Variants in PCDH15 observed in about 807,000 individuals in gnomAD.
The protein encoded by PCDH15 is protocadherin-15.
In PCDH15, 129 loss-of-function variants were observed where a neutral mutation model predicts 178.5. The observed-to-expected ratio is 0.72, with a 90% CI of 0.63 to 0.84. The LOEUF (loss-of-function observed/expected upper bound fraction) is 0.84. PCDH15 is among the 40% of genes least tolerant of loss of function. The probability of loss-of-function intolerance (pLI) is 0.00; values close to 1 mark genes in which losing one functional copy is unlikely to be tolerated. For synonymous variants in PCDH15, 800 were observed against 732.0 expected, an observed-to-expected ratio of 1.09 and a Z score of -1.50; for missense variants, 2,230 against 2,099.9, an observed-to-expected ratio of 1.06 and a Z score of -1.21.
intron 26 of PCDH15, among the ~76,000 whole-genome samples, chr10:53,893,201 T>G (rs1358094969): frequency 6.6e-6 from 1 of 152,116 alleles, no homozygotes; most frequent in African/African-American, 2.4e-5. Context: ...ATCTTCACAT[T>G]TGATGTCACC....
intron 1 of PCDH15, among the ~76,000 whole-genome samples, chr10:54,762,234 G>A (rs1947970355): frequency 6.6e-6 from 1 of 152,062 alleles, no homozygotes; most frequent in Non-Finnish European, 1.5e-5. Context: ...TAATTAGGGT[G>A]AAATTCATGT....
rs775306686 is a variant in PCDH15 at position 53,959,812 on chromosome 10, A to G, written c.3042T>C (p.Pro1014=). 3.7e-6 allele frequency: 6 copies of G among 1,614,038 alleles called. No individual in the cohort carries two copies. In the East Asian group the frequency reaches 1.1e-4, roughly 30 times the overall value. Residue 1014 remains proline (P), a synonymous_variant, in exon 23 of 38, where the codon CCT becomes CCC. Coordinates refer to ENST00000644397, the MANE Select transcript of PCDH15 (RefSeq NM_001384140.1). ...LVVVAFDDGE[P]VMSSSATVKI... ...TCACTGTGGCACTGCTGGACATCACAGGCTCCCCATCATCAAAAGCAACCA... is the reference window on the plus strand; with the variant it reads ...TCACTGTGGCACTGCTGGACATCACGGGCTCCCCATCATCAAAAGCAACCA...
chr10:54,474,413 A>G (rs1430760269), intron 3 of PCDH15, among the ~76,000 whole-genome samples: 3 of 151,972 alleles, frequency 2.0e-5, no homozygotes, highest in Non-Finnish European at 2.9e-5. Context: ...GTCAAATCCT[A>G]TGCTAAAGCC....
At chr10:55,356,486 G>GT (rs930889590) in intron 2 of PCDH15, among the ~76,000 whole-genome samples, 5 of 151,558 alleles carry the variant, frequency 3.3e-5, no homozygotes, top group African/African-American at 1.2e-4. Context: ...TTTTGTTTTT[G>GT]TTTTTTCTGA....
At chr10:55,549,646 C>T (rs1032514748) in intron 2 of PCDH15, among the ~76,000 whole-genome samples, 6 of 152,104 alleles carry the variant, frequency 3.9e-5, no homozygotes, top group Non-Finnish European at 7.3e-5. Flanking sequence ...TTAGGTTATT[C>T]GGTTGTCTTT....
intron 2 of PCDH15, among the ~76,000 whole-genome samples, chr10:54,529,559 T>G (rs2083701897): frequency 6.6e-6 from 1 of 152,092 alleles, no homozygotes; most frequent in African/African-American, 2.4e-5. Context: ...CATCCTTTAT[T>G]GAGAATTAAG....
At chr10:55,614,714 T>G (rs1843439998) in intron 2 of PCDH15, among the ~76,000 whole-genome samples, 1 of 152,158 alleles carries the variant, frequency 6.6e-6, no homozygotes, top group Admixed American at 6.5e-5. Flanking sequence ...ACTATTTGGG[T>G]ATGATCAACT....
intron 1 of PCDH15, among the ~76,000 whole-genome samples, chr10:55,217,505 G>A (rs12219365): frequency 0.26 from 39,394 of 151,462 alleles, 5,394 homozygotes; most frequent in Middle Eastern, 0.34. Context: ...TTATTCTTTC[G>A]CAAATGATAC....
At position 55,300,854 on chromosome 10, in the gene PCDH15, T is replaced by C. The variant is rs1843258075; in HGVS notation, c.-156+18745A>G. Among the ~76,000 whole-genome samples the C allele has an allele frequency of 2.0e-5, 3 of 152,180 alleles. No individual in the cohort carries two copies. The South Asian group carries it at 6.2e-4, about 31-fold the overall frequency. ...TACCCAGTTTGGACCGAAGACAACA[T>C]ATTGCACAATTTTAGAACAATATTA... On this transcript the variant is annotated intron_variant, in intron 1 of 5. Transcript: ENST00000458638.
intron 2 of PCDH15, among the ~76,000 whole-genome samples, chr10:55,385,048 T>C (rs1837618882): frequency 6.6e-6 from 1 of 152,198 alleles, no homozygotes; most frequent in South Asian, 2.1e-4. Flanking sequence ...AAATCTTGAG[T>C]AAATATTGCC....
At chr10:54,741,612 A>G (rs1419514566) in intron 1 of PCDH15, among the ~76,000 whole-genome samples, 1 of 152,062 alleles carries the variant, frequency 6.6e-6, no homozygotes, top group Admixed American at 6.6e-5. Flanking sequence ...CTGGACTAAA[A>G]TCAAGGTATT....
chr10:55,353,175 GA>G (rs1844986616), intron 2 of PCDH15, among the ~76,000 whole-genome samples: 1 of 152,122 alleles, frequency 6.6e-6, no homozygotes. Context: ...ACAACCAGGA[GA>G]ATGCAGAAAA....
chr10:54,417,964 T>G (rs1647710485), intron 3 of PCDH15, among the ~76,000 whole-genome samples: 2 of 152,160 alleles, frequency 1.3e-5, no homozygotes, highest in Non-Finnish European at 2.9e-5. Context: ...ATGCAGTAGC[T>G]ATTCAAAGGT....
intron 25 of PCDH15, among the ~76,000 whole-genome samples, chr10:53,913,018 A>G (rs889994431): frequency 4.6e-5 from 7 of 152,220 alleles, no homozygotes; most frequent in African/African-American, 1.7e-4. Flanking sequence ...AGCTGGAGGC[A>G]TCATGCTACC....
chr10:55,525,660 T>C (rs1394323961), intron 2 of PCDH15, among the ~76,000 whole-genome samples: 1 of 151,886 alleles, frequency 6.6e-6, no homozygotes, highest in African/African-American at 2.4e-5. Flanking sequence ...TATCTAAACT[T>C]CCAAAACCCA....
At chr10:54,804,927 T>TTATATATATATATATATATA (rs71014419), upstream of PCDH15, among the ~76,000 whole-genome samples, 773 of 50,708 alleles carry the variant, frequency 0.015, 122 homozygotes, top group African/African-American at 0.029. Context: ...TCATAGTAGA[T>TTATATATATATATATATATA]TATATATATA....
At chr10:55,215,240 T>C (rs1337510656) in intron 1 of PCDH15, among the ~76,000 whole-genome samples, 1 of 152,132 alleles carries the variant, frequency 6.6e-6, no homozygotes, top group Non-Finnish European at 1.5e-5. Flanking sequence ...TTGTTGACTT[T>C]GAAAATTGAA....
At chr10:54,971,929 C>T (rs1462334871) in intron 2 of PCDH15, among the ~76,000 whole-genome samples, 1 of 152,036 alleles carries the variant, frequency 6.6e-6, no homozygotes. Context: ...ATTTGGTATA[C>T]CTGTAGAGTT....
At chr10:55,070,372 G>A (rs1219653308) in intron 2 of PCDH15, among the ~76,000 whole-genome samples, 1 of 151,392 alleles carries the variant, frequency 6.6e-6, no homozygotes, top group East Asian at 1.9e-4. Flanking sequence ...GTCCTGAATG[G>A]TAATGCCTAG....
Sources: allele counts gnomAD v4.1 joint callset (sites outside exome capture counted in the v4.1 genomes callset), GRCh38; gene constraint gnomAD v4.1.1; transcripts MANE v1.5; gene names NCBI Gene and HGNC (gene_info 2026-07-23, HGNC 2026-07-21).